USP7: variants seen among roughly 807,000 people sequenced by gnomAD.
USP7 encodes ubiquitin specific peptidase 7, also known as ubiquitin C-terminal hydrolase 7.
In USP7, 9 loss-of-function variants were observed where a neutral mutation model predicts 162.9. The observed-to-expected ratio is 0.06, with a 90% CI of 0.03 to 0.10. USP7 has a LOEUF of 0.10. Among genes scored for constraint, USP7 ranks in the 10% least tolerant of loss-of-function variants. The probability of loss-of-function intolerance (pLI) is 1.00; values close to 1 mark genes in which losing one functional copy is unlikely to be tolerated. For missense variants in USP7, 715 were observed against 1,373.7 expected, an observed-to-expected ratio of 0.52 and a Z score of 7.58; for synonymous variants, 562 against 475.9, an observed-to-expected ratio of 1.18 and a Z score of -2.35.
rs1555461632 is a variant in USP7 at position 8,897,698 on chromosome 16, C to CCAAAAAAAAAA, written c.2719-600_2719-599insTTTTTTTTTTG. On this transcript the variant is annotated intron_variant, in intron 25 of 30. Transcript: ENST00000344836. Reference sequence around the variant, plus strand: ...GCAATATAGTGAGACCCTGTCTCTACAAAAAAAAAAAAAAAAAAAAAAAAA... The same window carrying CCAAAAAAAAAA: ...GCAATATAGTGAGACCCTGTCTCTACCAAAAAAAAAAAAAAAAAAAAAAAAAAAAAAAAAAA... Among the ~76,000 whole-genome samples the CCAAAAAAAAAA allele has an allele frequency of 2.0e-4, 7 of 35,594 alleles. 3 individuals are homozygous for CCAAAAAAAAAA. Among genetic ancestry groups the CCAAAAAAAAAA allele is most frequent in the African/African-American group, 8.3e-4 (7 of 8,418 alleles). 23.4% of individuals were successfully genotyped at this position (35,594 alleles called of 152,430 possible).
chr16:8,900,739 C>G (rs2061761052), intron 20 of USP7, 109 bp from the exon 21 acceptor site: 5 of 794,344 alleles, frequency 6.3e-6, no homozygotes, highest in South Asian at 1.9e-5. Flanking sequence ...ATTCTATCCA[C>G]CTTTTAAGTT....
At chr16:8,940,489 G>T (rs545632157) in intron 1 of USP7, among the ~76,000 whole-genome samples, 1 of 152,314 alleles carries the variant, frequency 6.6e-6, no homozygotes, top group South Asian at 2.1e-4. Flanking sequence ...GATCAGAGTG[G>T]GAGGGCAGGG....
rs886833676 is a variant in USP7 at position 8,893,958 on chromosome 16, C to T, written c.*40G>A. 6 of 1,594,168 alleles carry T rather than the reference C, an allele frequency of 3.8e-6. No homozygotes were observed. The Admixed American group carries it at 8.3e-5, about 22-fold the overall frequency. ...AAAGTTCTAGGCTGTTAAGGGGCCACCCACACACCGTCCTCGCCTTGAACA... is the reference window on the plus strand; with the variant it reads ...AAAGTTCTAGGCTGTTAAGGGGCCATCCACACACCGTCCTCGCCTTGAACA... On this transcript the variant is annotated 3_prime_UTR_variant, in exon 31 of 31. Coordinates refer to ENST00000344836, the MANE Select transcript of USP7 (RefSeq NM_003470.3).
At chr16:8,932,763 A>T (rs1045325065) in intron 1 of USP7, among the ~76,000 whole-genome samples, 2 of 152,222 alleles carry the variant, frequency 1.3e-5, no homozygotes, top group Non-Finnish European at 2.9e-5. Context: ...AAAGTGGAGG[A>T]GGCAAGAAGG....
In USP7 at chr16:8,915,384, G is replaced by C. The variant is rs368196563; in HGVS notation, c.988-40C>G. On this transcript the variant is annotated intron_variant, in intron 9 of 30. Coordinates refer to ENST00000344836, the MANE Select transcript of USP7 (RefSeq NM_003470.3). The stretch of plus-strand genomic sequence containing the variant: ...AGTAAAAGTGGTTTAACTAGTAATA[G>C]TCAAAAAATTCACATTCTAAAACCT... 4.3e-6 allele frequency: 7 copies of C among 1,612,726 alleles called. No homozygotes were observed. The African/African-American group carries it at 9.4e-5, about 22-fold the overall frequency.
chr16:8,912,987 C>T (rs913991903), intron 10 of USP7, among the ~76,000 whole-genome samples: 1 of 152,156 alleles, frequency 6.6e-6, no homozygotes, highest in Non-Finnish European at 1.5e-5. Flanking sequence ...GAGACTAGGA[C>T]ATCTGGAGGC....
intron 1 of USP7, among the ~76,000 whole-genome samples, chr16:8,936,155 CTG>C (rs1453181125): frequency 6.6e-6 from 1 of 152,202 alleles, no homozygotes; most frequent in Non-Finnish European, 1.5e-5. Flanking sequence ...AGCTCGGCCT[CTG>C]AGCCACAGGT....
chr16:8,928,126 G>A (rs1567231033), intron 2 of USP7, among the ~76,000 whole-genome samples: 1 of 152,200 alleles, frequency 6.6e-6, no homozygotes, highest in Non-Finnish European at 1.5e-5. Flanking sequence ...TTTTAAATAA[G>A]TTCTCTCCCT....
chr16:8,932,723 T>A lies in USP7; in HGVS notation c.80-2326A>T, dbSNP rs544215858. On this transcript the variant is annotated intron_variant, in intron 1 of 30. Transcript: ENST00000344836. ...TAAAAAGTTTTATGAGATTCATAAA[T>A]TGTAAACCAAGGACAGTGACTGGCC... Among the ~76,000 whole-genome samples the A allele has an allele frequency of 2.6e-5, 4 of 152,306 alleles. No individual in the cohort carries two copies. In the South Asian group the frequency reaches 8.3e-4, roughly 32 times the overall value.
At chr16:8,912,955 G>A (rs780953557) in intron 10 of USP7, among the ~76,000 whole-genome samples, 6 of 152,152 alleles carry the variant, frequency 3.9e-5, no homozygotes, top group East Asian at 1.9e-4. Flanking sequence ...AACAGAAACC[G>A]CAGCACAAAA....
rs544398757 is a variant in USP7 at position 8,902,254 on chromosome 16, A to G, written c.1942-67T>C. The G allele has an allele frequency of 8.9e-5, 141 of 1,584,890 alleles. 1 individual carries two copies. The African/African-American group carries it at 1.7e-3, about 19-fold the overall frequency. On this transcript the variant is annotated intron_variant, in intron 17 of 30. Transcript: ENST00000344836. ...CTTAGGTGACAGAGCGAAAAACTACAGTCAAGTATTGAAGAAAACGTCCAA... is the reference window on the plus strand; with the variant it reads ...CTTAGGTGACAGAGCGAAAAACTACGGTCAAGTATTGAAGAAAACGTCCAA...
chr16:8,923,014 A>G (rs1212973734), intron 3 of USP7, among the ~76,000 whole-genome samples: 3 of 152,118 alleles, frequency 2.0e-5, no homozygotes, highest in African/African-American at 7.2e-5. Context: ...ATTCTAACAA[A>G]CTATTTTTAG....
At chr16:8,902,672 G>A (rs1191375696) in intron 16 of USP7, among the ~76,000 whole-genome samples, 190 bp from the exon 17 acceptor site, 4 of 152,000 alleles carry the variant, frequency 2.6e-5, no homozygotes, top group Non-Finnish European at 4.4e-5. Flanking sequence ...GGTGGATCAC[G>A]AGGTCGGGAG....
chr16:8,941,123 G>C (rs913314828), intron 1 of USP7, among the ~76,000 whole-genome samples: 1 of 149,604 alleles, frequency 6.7e-6, no homozygotes, highest in Non-Finnish European at 1.5e-5. Flanking sequence ...TTCACATGGG[G>C]CCCATGCCCC....
chr16:8,961,053 T>A (rs1233740529), intron 1 of USP7, among the ~76,000 whole-genome samples: 1 of 152,228 alleles, frequency 6.6e-6, no homozygotes, highest in African/African-American at 2.4e-5. Context: ...CTGCTAAATT[T>A]ACAGATTAAC....
intron 14 of USP7, among the ~76,000 whole-genome samples, 170 bp downstream of exon 14, chr16:8,905,017 A>G (rs913266264): frequency 8.5e-5 from 13 of 152,204 alleles, no homozygotes; most frequent in South Asian, 8.3e-4. Flanking sequence ...ACTTGGTACC[A>G]TAAGTCTGCA....
rs910456039 is a variant in USP7 at position 8,892,773 on chromosome 16, T to G, written c.*1225A>C. The G allele has an allele frequency of 2.6e-5, 4 of 152,206 alleles. No homozygotes were observed. Among genetic ancestry groups the G allele is most frequent in the African/African-American group, 9.7e-5 (4 of 41,448 alleles). 9.4% of individuals were successfully genotyped at this position (152,206 alleles called of 1,614,324 possible). A position where few individuals can be genotyped will look rare whatever the true frequency, so the allele number is the denominator to read the frequency against. ...TCCACTTCCACGTAACTCACTGAAT[T>G]ATAATTTTTATAGAAAATTTTATTC... On this transcript the variant is annotated 3_prime_UTR_variant, in exon 31 of 31. Coordinates refer to ENST00000344836, the MANE Select transcript of USP7 (RefSeq NM_003470.3).
chr16:8,934,070 A>C (rs1383956206), intron 1 of USP7, among the ~76,000 whole-genome samples: 1 of 152,178 alleles, frequency 6.6e-6, no homozygotes, highest in African/African-American at 2.4e-5. Flanking sequence ...TAAATCTTAA[A>C]AGTAATTTGC....
chr16:8,894,711 AG>A (rs1424149952), intron 29 of USP7, 71 bp from the exon 30 acceptor site: 1 of 1,612,618 alleles, frequency 6.2e-7, no homozygotes, highest in Non-Finnish European at 8.5e-7. Context: ...CTGGCAAAAA[AG>A]CCTAGGCCGC....
Sources: allele counts gnomAD v4.1 joint callset (sites outside exome capture counted in the v4.1 genomes callset), GRCh38; gene constraint gnomAD v4.1.1; transcripts MANE v1.5; gene names NCBI Gene and HGNC (gene_info 2026-07-23, HGNC 2026-07-21).